ARHGAP35: variants seen among roughly 807,000 people sequenced by gnomAD.
ARHGAP35 encodes the protein rho GTPase-activating protein 35.
A neutral mutation model predicts 111.1 loss-of-function variants in ARHGAP35; 15 were observed. The ratio of observed to expected loss-of-function variants is 0.13; its 90% CI spans 0.09 to 0.21. The LOEUF (loss-of-function observed/expected upper bound fraction) is 0.21. Among genes scored for constraint, ARHGAP35 ranks in the 10% least tolerant of loss-of-function variants. The pLI, the probability that ARHGAP35 is intolerant of heterozygous loss-of-function variation, is 1.00. For synonymous variants in ARHGAP35, 643 were observed against 710.3 expected (o/e 0.91, Z 1.51); for missense variants, 1,262 against 1,873.0 (o/e 0.67, Z 6.02).
At position 46,992,184 on chromosome 19, in the gene ARHGAP35, C is replaced by T. The variant is rs1045506200; in HGVS notation, c.4036+2509C>T. Among the ~76,000 whole-genome samples the T allele has an allele frequency of 6.6e-6, 1 of 152,160 alleles. No homozygotes were observed. Among genetic ancestry groups the T allele is most frequent in the Non-Finnish European group, 1.5e-5 (1 of 68,036 alleles). ...CTCTCCACGAGGCACTTGATTCCCA[C>T]CACTGATCTTCCTTTGAGGAAGATG... On this transcript the variant is annotated intron_variant, in intron 5 of 6. Coordinates refer to ENST00000672722, the MANE Select transcript of ARHGAP35 (RefSeq NM_004491.5). This position sits in a 1 kb window ranked among gnomAD's most constrained non-coding sequence, Gnocchi z 4.4.
intron 3 of ARHGAP35, among the ~76,000 whole-genome samples, chr19:46,940,912 G>C (rs2056343021): frequency 6.6e-6 from 1 of 152,070 alleles, no homozygotes; most frequent in South Asian, 2.1e-4. Flanking sequence ...CTATGGGTAT[G>C]ACAGTTTATC....
intron 1 of ARHGAP35, among the ~76,000 whole-genome samples, chr19:46,874,347 G>A (rs1599792570): frequency 6.6e-6 from 1 of 152,244 alleles, no homozygotes; most frequent in South Asian, 2.1e-4. Flanking sequence ...TAGAAGGCCA[G>A]TGGCCTGATT....
chr19:46,971,077 A>G (rs929503583), intron 3 of ARHGAP35, among the ~76,000 whole-genome samples: 2 of 152,164 alleles, frequency 1.3e-5, no homozygotes, highest in African/African-American at 4.8e-5. Flanking sequence ...ACCTGGCTCC[A>G]TTTCCAGTGT....
At chr19:46,944,462 T>G (rs2056367115) in intron 3 of ARHGAP35, among the ~76,000 whole-genome samples, 1 of 152,184 alleles carries the variant, frequency 6.6e-6, no homozygotes, top group African/African-American at 2.4e-5. Context: ...CCCAAAACAT[T>G]GAAGTCTGAG....
intron 3 of ARHGAP35, among the ~76,000 whole-genome samples, chr19:46,962,670 G>A (rs190012312): frequency 3.3e-5 from 5 of 152,212 alleles, no homozygotes; most frequent in East Asian, 3.9e-4. Context: ...GCAGTGGTGC[G>A]ATCTTGGCTC....
chr19:46,877,248 CAAAAAAAAAAA>C (rs35968599), intron 1 of ARHGAP35, among the ~76,000 whole-genome samples: 1 of 89,868 alleles, frequency 1.1e-5, no homozygotes, highest in Non-Finnish European at 2.1e-5. Context: ...AAAACTGTCT[CAAAAAAAAAAA>C]AAAAAAAAAA....
rs2122196571 is a variant in ARHGAP35 at position 46,920,465 on chromosome 19, G to A, written c.1790G>A (p.Arg597Lys). ...TCACTCTCTGACCCTAACATTGATA[G>A]AATCAACTTGGTTATATTGGGCAAA... Reference protein sequence around the residue: ...KNSLSDPNIDRINLVILGKDG... With the variant: ...KNSLSDPNIDKINLVILGKDG... Residue 597 changes from arginine (R) to lysine (K), a missense_variant, in exon 2 of 7, where the codon AGA becomes AAA. Arg to Lys is a conservative substitution (Grantham distance 26, BLOSUM62 2). Coordinates refer to ENST00000672722, the MANE Select transcript of ARHGAP35 (RefSeq NM_004491.5). The surrounding 1 kb of genome is among the most constrained non-coding windows in gnomAD (Gnocchi z 7.0). The A allele has an allele frequency of 6.2e-7, 1 of 1,613,952 alleles. No homozygotes were observed. The highest frequency in any genetic ancestry group is 2.2e-5 in the East Asian group (1 of 44,882).
chr19:46,867,896 T>C (rs561887042), intron 1 of ARHGAP35, among the ~76,000 whole-genome samples: 2 of 152,202 alleles, frequency 1.3e-5, no homozygotes, highest in African/African-American at 4.8e-5. Context: ...AGACAGAGTC[T>C]CGCTCTATCG....
intron 3 of ARHGAP35, among the ~76,000 whole-genome samples, chr19:46,957,906 A>C (rs924126221): frequency 6.6e-6 from 1 of 152,142 alleles, no homozygotes; most frequent in Non-Finnish European, 1.5e-5. Context: ...AGAAGGAGGG[A>C]GATTTCTTAT....
intron 3 of ARHGAP35, among the ~76,000 whole-genome samples, chr19:46,937,815 T>C (rs936108148): frequency 2.6e-5 from 4 of 152,246 alleles, no homozygotes; most frequent in African/African-American, 9.6e-5. Flanking sequence ...TAATACATTT[T>C]GGTTTAGTAA....
At chr19:46,869,420 G>A (rs770396316) in intron 1 of ARHGAP35, among the ~76,000 whole-genome samples, 4 of 151,838 alleles carry the variant, frequency 2.6e-5, no homozygotes, top group Admixed American at 6.6e-5. Context: ...AGCCATGATC[G>A]CATCACTGCA....
chr19:47,004,980 C>T lies in ARHGAP35; in HGVS notation c.*4292C>T, dbSNP rs1173200860. 1 of 152,156 alleles carries T rather than the reference C, an allele frequency of 6.6e-6. No individual in the cohort carries two copies. The highest frequency in any genetic ancestry group is 1.5e-5 in the Non-Finnish European group (1 of 68,020). 9.4% of individuals were successfully genotyped at this position (152,156 alleles called of 1,614,324 possible). A position where few individuals can be genotyped will look rare whatever the true frequency, so the allele number is the denominator to read the frequency against. On this transcript the variant is annotated 3_prime_UTR_variant, in exon 7 of 7. Transcript: ENST00000672722. ...GTTTTTTAAAATCATGTATTTGCTA[C>T]AAAGTATTGTACTTGTCTCAATGGG...
At chr19:46,868,061 T>C (rs2055868059) in intron 1 of ARHGAP35, among the ~76,000 whole-genome samples, 1 of 152,000 alleles carries the variant, frequency 6.6e-6, no homozygotes, top group South Asian at 2.1e-4. Flanking sequence ...AGAGACGGGG[T>C]TTTGCCATGT....
chr19:46,870,191 C>T (rs1027963329), intron 1 of ARHGAP35, among the ~76,000 whole-genome samples: 1 of 151,382 alleles, frequency 6.6e-6, no homozygotes, highest in Non-Finnish European at 1.5e-5. Flanking sequence ...CTTTGTGATC[C>T]GCCCACCTCT....
chr19:46,943,902 G>A (rs1157611255), intron 3 of ARHGAP35, among the ~76,000 whole-genome samples: 2 of 152,148 alleles, frequency 1.3e-5, no homozygotes, highest in African/African-American at 4.8e-5. Context: ...TGGAGAAGAT[G>A]AGCGAGACCA....
At chr19:46,955,682 T>A (rs180898280) in intron 3 of ARHGAP35, among the ~76,000 whole-genome samples, 1 of 152,292 alleles carries the variant, frequency 6.6e-6, no homozygotes, top group East Asian at 1.9e-4. Flanking sequence ...GGAAGCTTTA[T>A]GCTTTATCAT....
chr19:46,889,236 T>C (rs2056011562), intron 1 of ARHGAP35, among the ~76,000 whole-genome samples: 1 of 151,956 alleles, frequency 6.6e-6, no homozygotes, highest in Non-Finnish European at 1.5e-5. Context: ...GAGGCTGAGG[T>C]GGGCAGTTCA....
chr19:46,910,744 C>G (rs1042558059), intron 1 of ARHGAP35, among the ~76,000 whole-genome samples: 1 of 152,032 alleles, frequency 6.6e-6, no homozygotes, highest in African/African-American at 2.4e-5. Flanking sequence ...TATGCATCAC[C>G]ACAGCCAGCT....
intron 1 of ARHGAP35, among the ~76,000 whole-genome samples, chr19:46,873,331 G>A (rs1157139239): frequency 1.3e-5 from 2 of 151,926 alleles, no homozygotes; most frequent in African/African-American, 4.8e-5. Context: ...AAGTGTGCTT[G>A]TTTTAAGAGA....
Sources: gnomAD v4.1 joint callset for allele counts (sites outside exome capture counted in the v4.1 genomes callset) on GRCh38, gnomAD v4.1.1 for gene constraint, Gnocchi (gnomAD v3.1) non-coding constraint, MANE v1.5 for transcripts, NCBI Gene and HGNC (gene_info 2026-07-23, HGNC 2026-07-21) for gene names.